Variants in BCL11A observed in about 807,000 individuals in gnomAD.
The protein encoded by BCL11A is B cell CLL/lymphoma 11A.
In BCL11A, 2 loss-of-function variants were observed where a neutral mutation model predicts 55.9. That is an observed-to-expected ratio of 0.04 (90% CI 0.01 to 0.11). The LOEUF (loss-of-function observed/expected upper bound fraction) is 0.11, where lower values mean the gene tolerates loss of function less well. Ranked by LOEUF, BCL11A falls within the 10% of genes least tolerant of loss-of-function variation. The pLI is 1.00. For synonymous variants in BCL11A, 465 were observed against 473.4 expected, an observed-to-expected ratio of 0.98 and a Z score of 0.23; for missense variants, 817 against 1,137.1, an observed-to-expected ratio of 0.72 and a Z score of 4.05.
chr2:60,462,104 G>C lies in BCL11A; in HGVS notation c.808C>G (p.Pro270Ala). The change falls in exon 4 of 4, where the codon CCG becomes GCG. Residue 270 changes from proline (P) to alanine (A), a missense_variant. By Grantham distance (27) the Pro-to-Ala change is conservative. This residue lies in a region of BCL11A where 363 missense variants were observed against 486.6 expected (regional missense o/e 0.75). Coordinates refer to ENST00000642384, the MANE Select transcript of BCL11A (RefSeq NM_022893.4). ...PPTPPLFSPP[P>A]RHHLDPHRIE... ...CGGTGGGGGTCCAAGTGATGTCTCG[G>C]TGGTGGACTAAACAGGGGGGGAGTG... 1 of 1,561,252 alleles carries C rather than the reference G, an allele frequency of 6.4e-7. No homozygotes were observed. Among genetic ancestry groups the C allele is most frequent in the Non-Finnish European group, 8.7e-7 (1 of 1,155,386 alleles).
At chr2:60,543,659 C>T (rs2104732002) in intron 2 of BCL11A, 1 of 152,326 alleles carries the variant, frequency 6.6e-6, no homozygotes, top group Non-Finnish European at 1.5e-5. Context: ...TGACATCTCA[C>T]TTTGAGATGT....
At chr2:60,552,262 T>C (rs1322459426) in intron 1 of BCL11A, among the ~76,000 whole-genome samples, 1 of 152,092 alleles carries the variant, frequency 6.6e-6, no homozygotes, top group Non-Finnish European at 1.5e-5. Context: ...TTTATTTTTA[T>C]GTATTTATTT....
At chr2:60,541,685 T>C (rs1409296280) in intron 2 of BCL11A, 2 of 471,470 alleles carry the variant, frequency 4.2e-6, no homozygotes, top group East Asian at 3.7e-5. Flanking sequence ...CAATATTCTC[T>C]ACTCTCTGGA....
chr2:60,470,662 C>T (rs771434097), intron 2 of BCL11A, among the ~76,000 whole-genome samples: 2 of 152,308 alleles, frequency 1.3e-5, no homozygotes, highest in Middle Eastern at 6.8e-3. Flanking sequence ...CCTAGCCCCT[C>T]GCATGAATCT....
intron 2 of BCL11A, among the ~76,000 whole-genome samples, chr2:60,515,109 A>G (rs1668675049): frequency 6.6e-6 from 1 of 152,094 alleles, no homozygotes; most frequent in South Asian, 2.1e-4. Context: ...ATCCTCCCCC[A>G]CGTGCTCCTT....
intron 2 of BCL11A, among the ~76,000 whole-genome samples, chr2:60,540,666 T>C (rs1669878052): frequency 6.6e-6 from 1 of 152,168 alleles, no homozygotes. Flanking sequence ...CCAAACTACA[T>C]GGAAGCTGCA....
At chr2:60,494,870 A>G (rs1226656926) in intron 2 of BCL11A, among the ~76,000 whole-genome samples, 1 of 152,300 alleles carries the variant, frequency 6.6e-6, no homozygotes, top group East Asian at 1.9e-4. Flanking sequence ...TCAGAAGAAA[A>G]GGGAAAAGGG....
Position 60,457,959 on chromosome 2 carries a change from T to C in BCL11A, c.*2445A>G. 9.6e-7 allele frequency: 1 copy of C among 1,039,644 alleles called. No individual in the cohort carries two copies. The highest frequency in any genetic ancestry group is 1.2e-6 in the Non-Finnish European group (1 of 862,982). 64.4% of individuals were successfully genotyped at this position (1,039,644 alleles called of 1,614,324 possible). On this transcript the variant is annotated 3_prime_UTR_variant, in exon 4 of 4. Transcript: ENST00000642384. ...ACACTTTTTTGTTTCTCTCTTTTTT[T>C]TTTTTTTGAAGCATACAAATAATTT...
Position 60,500,354 on chromosome 2 carries a change from C to G in BCL11A, c.386-31521G>C, listed in dbSNP as rs569861150. Among the ~76,000 whole-genome samples, 11 of 152,316 alleles carry G rather than the reference C, an allele frequency of 7.2e-5. No individual in the cohort carries two copies. In the South Asian group the frequency reaches 2.3e-3, roughly 32 times the overall value. On this transcript the variant is annotated intron_variant, in intron 2 of 3. Transcript: ENST00000642384. The stretch of plus-strand genomic sequence containing the variant: ...GGCCAGTTCCCCCATTATGCACTGC[C>G]TCTGCTTCCCCGCCACCATTAACCG...
chr2:60,544,248 T>A (rs180731208), intron 2 of BCL11A: 2 of 152,266 alleles, frequency 1.3e-5, no homozygotes, highest in Admixed American at 6.5e-5. Flanking sequence ...TACTCCATAT[T>A]TGGTGATTTA....
intron 2 of BCL11A, among the ~76,000 whole-genome samples, chr2:60,472,143 C>T (rs1476842708): frequency 1.3e-5 from 2 of 152,176 alleles, no homozygotes; most frequent in Non-Finnish European, 2.9e-5. Flanking sequence ...TTCCACCCTC[C>T]GTCTGTCATT....
chr2:60,507,087 T>C (rs1471071528), intron 2 of BCL11A, among the ~76,000 whole-genome samples: 1 of 151,896 alleles, frequency 6.6e-6, no homozygotes, highest in Non-Finnish European at 1.5e-5. Flanking sequence ...TGTTCTGAAA[T>C]ACTGTCTTTG....
chr2:60,501,470 A>C (rs1679275150), intron 2 of BCL11A, among the ~76,000 whole-genome samples: 1 of 148,704 alleles, frequency 6.7e-6, no homozygotes, highest in Non-Finnish European at 1.5e-5. Flanking sequence ...GAGTGGCAAG[A>C]GGGAAAGGCC....
chr2:60,493,492 A>G (rs897435072), intron 2 of BCL11A, among the ~76,000 whole-genome samples: 1 of 152,096 alleles, frequency 6.6e-6, no homozygotes, highest in African/African-American at 2.4e-5. Flanking sequence ...ACCAAATGTC[A>G]TCCTATTCCG....
In BCL11A at chr2:60,460,746, C is replaced by G; in HGVS notation, c.2166G>C (p.Thr722=). 1 of 1,614,026 alleles carries G rather than the reference C, an allele frequency of 6.2e-7. No homozygotes were observed. Among genetic ancestry groups the G allele is most frequent in the Non-Finnish European group, 8.5e-7 (1 of 1,180,046 alleles). ...GRSGTGSGGS[T]PHISGPGPGR... is the part of the protein sequence containing the mutation. ...CCGGGCCCGGACCACTAATATGGGG[C>G]GTGCTCCCTCCACTTCCCGTGCCGC... The change falls in exon 4 of 4, where the codon ACG becomes ACC. Residue 722 remains threonine (T), a synonymous_variant. Coordinates refer to ENST00000642384, the MANE Select transcript of BCL11A (RefSeq NM_022893.4).
At chr2:60,493,855 C>T (rs1193642865) in intron 2 of BCL11A, among the ~76,000 whole-genome samples, 2 of 152,182 alleles carry the variant, frequency 1.3e-5, no homozygotes, top group Non-Finnish European at 2.9e-5. Flanking sequence ...CCCCCTCCCC[C>T]ATCCTCATCA....
In BCL11A at chr2:60,468,747, C is replaced by T; in HGVS notation, c.472G>A (p.Ala158Thr). ...IPTPGMSAEY[A>T]PQGICKDEPS... ...CTCAACTTACAAATACCCTGCGGGG[C>T]ATATTCTGCACTCATCCCAGGCGTG... The change falls in exon 3 of 4, where the codon GCC (alanine) becomes ACC (threonine). Residue 158 changes from alanine (A) to threonine (T), a missense_variant. Physicochemically the swap from Ala to Thr is moderately conservative, Grantham distance 58. Around this residue, in one of 4 missense-constraint regions of BCL11A, gnomAD observed 363 missense variants for 486.6 expected, o/e 0.75. Coordinates refer to ENST00000642384, the MANE Select transcript of BCL11A (RefSeq NM_022893.4). 2 of 1,612,524 alleles carry T rather than the reference C, an allele frequency of 1.2e-6. No individual in the cohort carries two copies. The highest frequency in any genetic ancestry group is 1.7e-6 in the Non-Finnish European group (2 of 1,178,890).
chr2:60,503,277 C>G (rs45556843), intron 2 of BCL11A, among the ~76,000 whole-genome samples: 3,873 of 152,262 alleles, frequency 0.025, 67 homozygotes, highest in Middle Eastern at 0.041. Flanking sequence ...TGGGGTCCAA[C>G]CAGGAGACCC....
At chr2:60,471,538 C>T (rs976626339) in intron 2 of BCL11A, among the ~76,000 whole-genome samples, 8 of 152,186 alleles carry the variant, frequency 5.3e-5, no homozygotes, top group Non-Finnish European at 8.8e-5. Context: ...TATTTCATCA[C>T]GGCTTAGGCA....
Sources: gnomAD v4.1 joint callset for allele counts (sites outside exome capture counted in the v4.1 genomes callset) on GRCh38, gnomAD v4.1.1 for gene constraint, gnomAD v4.1.1 regional missense constraint, MANE v1.5 for transcripts, NCBI Gene and HGNC (gene_info 2026-07-23, HGNC 2026-07-21) for gene names.